The following SETBP1 variants were observed in gnomAD, a reference collection of about 807,000 sequenced individuals.
SETBP1 encodes SET-binding protein.
SETBP1 carries 9 observed loss-of-function variants against 101.0 expected under a neutral mutation model. The ratio of observed to expected loss-of-function variants is 0.09; its 90% confidence interval spans 0.05 to 0.16. The LOEUF is 0.16. SETBP1 is among the 10% of genes least tolerant of loss of function. The pLI is 1.00. For missense variants in SETBP1, 1,858 were observed against 2,033.8 expected (o/e 0.91, Z 1.66); for synonymous variants, 818 against 788.5 (o/e 1.04, Z -0.63).
At chr18:44,898,704 T>C (rs1331388136) in intron 3 of SETBP1, among the ~76,000 whole-genome samples, 2 of 152,092 alleles carry the variant, frequency 1.3e-5, no homozygotes, top group East Asian at 3.9e-4. Flanking sequence ...CTTTTAGGAT[T>C]AGAGGATTAG....
intron 3 of SETBP1, among the ~76,000 whole-genome samples, chr18:44,898,798 A>AT (rs2069967952): frequency 6.6e-6 from 1 of 152,222 alleles, no homozygotes; most frequent in Non-Finnish European, 1.5e-5. Context: ...CATCACTCCA[A>AT]TGTGTTTTCT....
intron 2 of SETBP1, among the ~76,000 whole-genome samples, chr18:44,749,380 G>C (rs1361915616): frequency 6.6e-6 from 1 of 152,088 alleles, no homozygotes; most frequent in Non-Finnish European, 1.5e-5. Flanking sequence ...TTGTGGGAGA[G>C]AAAGGACCAA....
intron 3 of SETBP1, among the ~76,000 whole-genome samples, chr18:44,905,037 C>T (rs1258516804): frequency 3.3e-5 from 5 of 151,994 alleles, no homozygotes; most frequent in Admixed American, 6.6e-5. Context: ...TTTTAGGTGA[C>T]CTCAAAATGC....
At chr18:44,868,711 G>A (rs1243046709) in intron 2 of SETBP1, among the ~76,000 whole-genome samples, 596 of 6,590 alleles carry the variant, frequency 0.09, 53 homozygotes, top group East Asian at 0.24. Flanking sequence ...CGGAAGGAAG[G>A]GAGGAAGGAA....
intron 2 of SETBP1, among the ~76,000 whole-genome samples, chr18:44,766,197 T>A (rs192488802): frequency 5.9e-4 from 90 of 152,308 alleles, no homozygotes; most frequent in Non-Finnish European, 1.1e-3. Context: ...CACATTGAAA[T>A]ACAGGACATA....
chr18:44,945,913 G>A (rs182862029), intron 3 of SETBP1, among the ~76,000 whole-genome samples: 20 of 152,264 alleles, frequency 1.3e-4, no homozygotes, highest in Admixed American at 7.8e-4. Flanking sequence ...TGTGTGCTTC[G>A]CCTGTCTTGC....
intron 2 of SETBP1, among the ~76,000 whole-genome samples, chr18:44,726,428 C>A (rs983459785): frequency 6.6e-6 from 1 of 152,140 alleles, no homozygotes; most frequent in African/African-American, 2.4e-5. Flanking sequence ...TGTAATCCTC[C>A]CCAAAACTCT....
intron 2 of SETBP1, among the ~76,000 whole-genome samples, chr18:44,835,348 C>T (rs1326148288): frequency 1.3e-5 from 2 of 152,098 alleles, no homozygotes; most frequent in Non-Finnish European, 2.9e-5. Flanking sequence ...GAGGCAGCGT[C>T]GTGTTTGACA....
intron 2 of SETBP1, among the ~76,000 whole-genome samples, chr18:44,861,255 T>G (rs2069004110): frequency 9.2e-6 from 1 of 108,318 alleles, no homozygotes; most frequent in African/African-American, 4.0e-5. Context: ...TTTTTTTTTT[T>G]TGAGACGGAA....
chr18:44,928,706 C>T (rs61033648), intron 3 of SETBP1, among the ~76,000 whole-genome samples: 66 of 152,312 alleles, frequency 4.3e-4, no homozygotes, highest in African/African-American at 1.6e-3. Flanking sequence ...TTTCATGTGT[C>T]TGCTGGCTGC....
intron 2 of SETBP1, among the ~76,000 whole-genome samples, chr18:44,801,832 C>A (rs1347452035): frequency 7.9e-6 from 1 of 126,474 alleles, no homozygotes; most frequent in Non-Finnish European, 1.8e-5. Flanking sequence ...AAAAGGAGCA[C>A]TTCCTACGTT....
chr18:44,808,027 G>T (rs1039004639), intron 2 of SETBP1, among the ~76,000 whole-genome samples: 6 of 152,174 alleles, frequency 3.9e-5, no homozygotes, highest in Admixed American at 1.3e-4. Flanking sequence ...AGGTTTTCTG[G>T]TGACAGAATG....
rs545708532 is a variant in SETBP1, at chr18:44,868,061, A to T, written c.487-1169A>T. Reference sequence around the variant, plus strand: ...ATCTCACACTTTCCCAGCATTTATTATAAGAATGTGATTATTTTGCTAGTT... The same window carrying T: ...ATCTCACACTTTCCCAGCATTTATTTTAAGAATGTGATTATTTTGCTAGTT... On this transcript the variant is annotated intron_variant, in intron 2 of 5. Transcript: ENST00000649279. 3.9e-5 allele frequency among the ~76,000 whole-genome samples: 6 copies of T among 152,360 alleles called. No homozygotes were observed. In the East Asian group the frequency reaches 5.8e-4, roughly 15 times the overall value.
intron 2 of SETBP1, among the ~76,000 whole-genome samples, chr18:44,804,559 C>T (rs1005618769): frequency 1.3e-5 from 2 of 152,104 alleles, no homozygotes; most frequent in African/African-American, 2.4e-5. Context: ...TTTCCCCTCC[C>T]TTTTAATGGG....
intron 1 of SETBP1, among the ~76,000 whole-genome samples, chr18:44,693,309 C>T (rs2068964084): frequency 1.3e-5 from 2 of 152,180 alleles, no homozygotes; most frequent in South Asian, 4.2e-4. Flanking sequence ...CATGGTGAGC[C>T]AAATAGGCAC....
intron 3 of SETBP1, among the ~76,000 whole-genome samples, chr18:44,945,761 C>G (rs2071192220): frequency 6.6e-6 from 1 of 152,036 alleles, no homozygotes; most frequent in Non-Finnish European, 1.5e-5. Context: ...CAGACCTTAT[C>G]AAAAAGACAA....
At chr18:45,016,849 C>T (rs941959194) in intron 4 of SETBP1, among the ~76,000 whole-genome samples, 9 of 140,814 alleles carry the variant, frequency 6.4e-5, no homozygotes, top group African/African-American at 1.8e-4. Context: ...TCACAGTCAA[C>T]GGCAGGTTTT....
At chr18:44,899,464 T>C (rs111819513) in intron 3 of SETBP1, among the ~76,000 whole-genome samples, 13 of 152,320 alleles carry the variant, frequency 8.5e-5, no homozygotes, top group African/African-American at 3.1e-4. Flanking sequence ...CCAGTGCATG[T>C]TGGCCATGCT....
chr18:44,725,943 G>C (rs971085697), intron 2 of SETBP1, among the ~76,000 whole-genome samples: 1 of 152,192 alleles, frequency 6.6e-6, no homozygotes, highest in Non-Finnish European at 1.5e-5. Context: ...ATAGTGGCCA[G>C]GGGTGGGGAG....
Sources: allele counts gnomAD v4.1 joint callset (sites outside exome capture counted in the v4.1 genomes callset), GRCh38; gene constraint gnomAD v4.1.1; transcripts MANE v1.5; gene names NCBI Gene and HGNC (gene_info 2026-07-23, HGNC 2026-07-21).